CDH19: variants seen among roughly 807,000 people sequenced by gnomAD.
CDH19 encodes the protein cadherin 19.
A neutral mutation model predicts 64.2 loss-of-function variants in CDH19; 67 were observed. The observed-to-expected ratio is 1.04, with a 90% CI of 0.86 to 1.28. CDH19 has a LOEUF of 1.28. CDH19 is among the 50% of genes most tolerant of loss of function. The probability of loss-of-function intolerance (pLI) is 0.00; values close to 1 mark genes in which losing one functional copy is unlikely to be tolerated. For missense variants in CDH19, 1,030 were observed against 929.0 expected, an observed-to-expected ratio of 1.11 and a Z score of -1.41; for synonymous variants, 346 against 319.3, an observed-to-expected ratio of 1.08 and a Z score of -0.89.
chr18:66,508,862 T>C, intron 11 of CDH19, 133 bp downstream of exon 11: 2 of 977,022 alleles, frequency 2.0e-6, no homozygotes, highest in South Asian at 3.6e-5. Flanking sequence ...CAGACCCACA[T>C]TATAATGCTA....
chr18:66,586,561 G>A (rs1050862266), intron 1 of CDH19, among the ~76,000 whole-genome samples: 2 of 151,812 alleles, frequency 1.3e-5, no homozygotes, highest in Non-Finnish European at 2.9e-5. Flanking sequence ...AAAAAAAGAA[G>A]GAAGCCACAA....
intron 5 of CDH19, among the ~76,000 whole-genome samples, chr18:66,547,155 C>T (rs888362703): frequency 2.6e-5 from 4 of 152,062 alleles, no homozygotes; most frequent in Non-Finnish European, 5.9e-5. Flanking sequence ...TAAGATGGTG[C>T]CATGTGCCAA....
At chr18:66,576,888 T>C (rs950044170) in intron 1 of CDH19, among the ~76,000 whole-genome samples, 66 of 151,836 alleles carry the variant, frequency 4.3e-4, no homozygotes, top group Admixed American at 5.9e-4. Context: ...ACACGGTCAA[T>C]ATTAAAATCA....
At chr18:66,588,616 A>T in intron 1 of CDH19, among the ~76,000 whole-genome samples, 1 of 133,496 alleles carries the variant, frequency 7.5e-6, no homozygotes, top group Non-Finnish European at 1.7e-5. Flanking sequence ...ATATATATCT[A>T]TATCTATATC....
At chr18:66,520,816 G>A (rs1985951164) in intron 9 of CDH19, among the ~76,000 whole-genome samples, 3 of 151,940 alleles carry the variant, frequency 2.0e-5, no homozygotes. Flanking sequence ...TAAAATAAAG[G>A]TAATACAAGA....
chr18:66,586,099 T>C (rs1988570626), intron 1 of CDH19, among the ~76,000 whole-genome samples: 1 of 152,094 alleles, frequency 6.6e-6, no homozygotes, highest in African/African-American at 2.4e-5. Context: ...ATATAATGTA[T>C]TCCGGAAAGC....
rs117839112 is a variant in CDH19 at position 66,558,380 on chromosome 18, T to C, written c.491-3856A>G. On this transcript the variant is annotated intron_variant, in intron 3 of 11. Coordinates refer to ENST00000262150, the MANE Select transcript of CDH19 (RefSeq NM_021153.4). ...TGTTTTCTACTTTCTTTTCCCTCTTTCAGTTATTATTGACACCATGATTTA... is the reference window on the plus strand; with the variant it reads ...TGTTTTCTACTTTCTTTTCCCTCTTCCAGTTATTATTGACACCATGATTTA... Among the ~76,000 whole-genome samples the C allele has an allele frequency of 7.7e-3, 1,169 of 151,806 alleles. 13 individuals carry two copies. The highest frequency in any genetic ancestry group is 0.012 in the Non-Finnish European group (796 of 67,882).
At chr18:66,550,550 G>A (rs558445561) in intron 5 of CDH19, among the ~76,000 whole-genome samples, 1 of 152,114 alleles carries the variant, frequency 6.6e-6, no homozygotes, top group Non-Finnish European at 1.5e-5. Context: ...AACTGGGTTC[G>A]GTCTAATTAC....
rs935102899 is a variant in CDH19, at chr18:66,550,984, A to G, written c.775+110T>C. ...AGAACAATTGACAAATTTATTTTATATAATTTTAGTGTTAATGTAGTGCTT... is the reference window on the plus strand; with the variant it reads ...AGAACAATTGACAAATTTATTTTATGTAATTTTAGTGTTAATGTAGTGCTT... On this transcript the variant is annotated intron_variant, in intron 5 of 11. Transcript: ENST00000262150. The G allele has an allele frequency of 2.1e-5, 11 of 533,184 alleles. No homozygotes were observed. The African/African-American group carries it at 2.1e-4, about 10-fold the overall frequency. The allele number at this position is 533,184 out of a possible 1,614,324, so 33.0% of individuals were successfully genotyped here. A position where few individuals can be genotyped will look rare whatever the true frequency, so the allele number is the denominator to read the frequency against.
At chr18:66,553,566 G>A (rs1026071287) in intron 4 of CDH19, among the ~76,000 whole-genome samples, 3 of 133,684 alleles carry the variant, frequency 2.2e-5, no homozygotes, top group Admixed American at 1.4e-4. Flanking sequence ...TTCTTTAAGG[G>A]TTTTGATATA....
rs1322886579 is a variant in CDH19 at position 66,540,508 on chromosome 18, C to T, written c.1214+3463G>A. On this transcript the variant is annotated intron_variant, in intron 7 of 11. Coordinates refer to ENST00000262150, the MANE Select transcript of CDH19 (RefSeq NM_021153.4). ...ATAAACAACTGATATTTATTTGTCA[C>T]ATTTCTAGAGGCTGGAAGTATGAGA... is the stretch of plus-strand genomic sequence containing the variant. Among the ~76,000 whole-genome samples, 9 of 152,252 alleles carry T rather than the reference C, an allele frequency of 5.9e-5. No individual in the cohort carries two copies. In the East Asian group the frequency reaches 1.5e-3, roughly 26 times the overall value.
In CDH19 at chr18:66,505,166, A is replaced by G. The variant is rs1285141032; in HGVS notation, c.1965T>C (p.Asp655=). 3.7e-6 allele frequency: 6 copies of G among 1,613,308 alleles called. No individual in the cohort carries two copies. In the Admixed American group the frequency reaches 5.0e-5, roughly 13 times the overall value. The change falls in exon 12 of 12, where the codon GAT becomes GAC. Residue 655 remains aspartate, a synonymous_variant. Transcript: ENST00000262150. ...GGGEEDTEAF[D]IAELRSSTIM... Reference sequence around the variant, plus strand: ...TGGTACTACTCCTCAGCTCTGCTATATCAAAGGCCTCTGTATCTTCTTCTC... The same window carrying G: ...TGGTACTACTCCTCAGCTCTGCTATGTCAAAGGCCTCTGTATCTTCTTCTC...
intron 9 of CDH19, among the ~76,000 whole-genome samples, chr18:66,521,934 T>C (rs1986008947): frequency 6.6e-6 from 1 of 151,098 alleles, no homozygotes; most frequent in South Asian, 2.1e-4. Context: ...GTTGTTGTTG[T>C]TGTTGTTGTT....
chr18:66,567,566 A>T (rs1281751065), intron 3 of CDH19, among the ~76,000 whole-genome samples: 1 of 151,902 alleles, frequency 6.6e-6, no homozygotes, highest in African/African-American at 2.4e-5. Context: ...GAATGTTAAA[A>T]ATCAAGAATC....
chr18:66,576,849 T>C (rs532040349), intron 1 of CDH19, among the ~76,000 whole-genome samples: 27 of 151,668 alleles, frequency 1.8e-4, no homozygotes, highest in Non-Finnish European at 3.0e-4. Context: ...TGGTAAAATC[T>C]ATAGGTAACT....
At chr18:66,568,911 A>G (rs967278067) in intron 2 of CDH19, among the ~76,000 whole-genome samples, 2 of 151,810 alleles carry the variant, frequency 1.3e-5, no homozygotes, top group African/African-American at 2.4e-5. Context: ...TATTTAGTGT[A>G]AAGAACTATA....
At chr18:66,594,526 C>CTCAACATG (rs1323371427) in intron 1 of CDH19, among the ~76,000 whole-genome samples, 2 of 151,980 alleles carry the variant, frequency 1.3e-5, no homozygotes, top group Admixed American at 1.3e-4. Context: ...TAAAGCAATT[C>CTCAACATG]TCAACATGTT....
chr18:66,566,498 C>T (rs955819991), intron 3 of CDH19, among the ~76,000 whole-genome samples: 9 of 151,750 alleles, frequency 5.9e-5, no homozygotes, highest in African/African-American at 1.9e-4. Flanking sequence ...CTCCCTGTGG[C>T]GTAACACCTT....
At chr18:66,550,957 C>T (rs1411426311) in intron 5 of CDH19, 137 bp downstream of exon 5, 3 of 509,890 alleles carry the variant, frequency 5.9e-6, no homozygotes, top group Admixed American at 3.5e-5. Context: ...AATAATCATA[C>T]CAGAACAATT....
Sources: gnomAD v4.1 joint callset for allele counts (sites outside exome capture counted in the v4.1 genomes callset) on GRCh38, gnomAD v4.1.1 for gene constraint, MANE v1.5 for transcripts, NCBI Gene and HGNC (gene_info 2026-07-23, HGNC 2026-07-21) for gene names.